The following GRID1 variants were observed in gnomAD, a reference collection of about 807,000 sequenced individuals.
The protein encoded by GRID1 is glutamate receptor ionotropic, delta-1.
A neutral mutation model predicts 98.0 loss-of-function variants in GRID1; 28 were observed. The ratio of observed to expected loss-of-function variants is 0.29; its 90% CI spans 0.21 to 0.39. GRID1 has a LOEUF of 0.39. GRID1 is among the 10% of genes least tolerant of loss of function. GRID1 has a pLI of 1.00. For synonymous variants in GRID1, 553 were observed against 538.5 expected (o/e 1.03, Z -0.37); for missense variants, 1,111 against 1,340.5 (o/e 0.83, Z 2.67).
chr10:85,912,212 G>C (rs1290246108), intron 5 of GRID1, among the ~76,000 whole-genome samples: 7 of 152,180 alleles, frequency 4.6e-5, no homozygotes, highest in Non-Finnish European at 8.8e-5. Context: ...TTTTCCACAA[G>C]TTCTTTTGAA....
chr10:85,908,897 G>A (rs1161219741), intron 5 of GRID1, among the ~76,000 whole-genome samples: 3 of 152,024 alleles, frequency 2.0e-5, no homozygotes, highest in Non-Finnish European at 2.9e-5. Context: ...GATACTACAC[G>A]AAAAACATAA....
chr10:86,179,650 A>G (rs1177638655), intron 3 of GRID1, among the ~76,000 whole-genome samples: 2 of 152,030 alleles, frequency 1.3e-5, no homozygotes, highest in Admixed American at 1.3e-4. Context: ...ACAGTGTCCT[A>G]CCCTCTATGG....
At chr10:86,308,096 G>C (rs965335064) in intron 2 of GRID1, among the ~76,000 whole-genome samples, 5 of 151,750 alleles carry the variant, frequency 3.3e-5, no homozygotes, top group African/African-American at 1.2e-4. Flanking sequence ...CCCCACTCCT[G>C]GCTTCCACCT....
chr10:86,128,707 A>G (rs1032354248), intron 4 of GRID1, among the ~76,000 whole-genome samples: 7 of 152,162 alleles, frequency 4.6e-5, no homozygotes, highest in African/African-American at 1.2e-4. Flanking sequence ...GTCAAGCACT[A>G]GCACATCCCA....
At chr10:85,991,675 G>A (rs760576119) in intron 4 of GRID1, among the ~76,000 whole-genome samples, 3 of 152,216 alleles carry the variant, frequency 2.0e-5, no homozygotes, top group Non-Finnish European at 4.4e-5. Flanking sequence ...ATGTCACCAA[G>A]GTGGCAAGGA....
At chr10:85,618,882 A>C (rs1164312030) in intron 14 of GRID1, among the ~76,000 whole-genome samples, 1 of 152,222 alleles carries the variant, frequency 6.6e-6, no homozygotes. Context: ...TCTGAACTGC[A>C]GGATGTTAAA....
intron 2 of GRID1, among the ~76,000 whole-genome samples, chr10:86,268,413 G>C (rs1284140615): frequency 6.6e-6 from 1 of 152,246 alleles, no homozygotes; most frequent in African/African-American, 2.4e-5. Context: ...AGGGAGCATA[G>C]CCCAGGACCG....
At chr10:86,283,558 C>CACATGCACAT (rs2132069547) in intron 2 of GRID1, among the ~76,000 whole-genome samples, 1 of 151,598 alleles carries the variant, frequency 6.6e-6, no homozygotes, top group Admixed American at 6.6e-5. Flanking sequence ...CCCTTACACA[C>CACATGCACAT]ACATGCACAC....
chr10:85,878,196 G>T (rs950663012), intron 5 of GRID1, among the ~76,000 whole-genome samples: 11 of 152,188 alleles, frequency 7.2e-5, no homozygotes, highest in Admixed American at 1.3e-4. Flanking sequence ...AAAACACCCT[G>T]CAGGGTATTA....
chr10:86,041,001 G>A (rs368519477), intron 4 of GRID1, among the ~76,000 whole-genome samples: 8 of 152,080 alleles, frequency 5.3e-5, no homozygotes, highest in African/African-American at 1.9e-4. Flanking sequence ...CTCTCTCTGG[G>A]CTCTGCCTCC....
At chr10:85,758,401 C>T (rs973314486) in intron 8 of GRID1, among the ~76,000 whole-genome samples, 2 of 152,176 alleles carry the variant, frequency 1.3e-5, no homozygotes, top group Non-Finnish European at 2.9e-5. Context: ...TGACTTCACT[C>T]ACATGGCTGG....
At chr10:85,992,201 G>A (rs1038459295) in intron 4 of GRID1, among the ~76,000 whole-genome samples, 7 of 152,076 alleles carry the variant, frequency 4.6e-5, no homozygotes, top group African/African-American at 1.2e-4. Context: ...ACAAAGCATG[G>A]AAAAGGGGTT....
intron 2 of GRID1, among the ~76,000 whole-genome samples, chr10:86,227,612 AC>A (rs1166583296): frequency 6.6e-6 from 1 of 151,440 alleles, no homozygotes; most frequent in African/African-American, 2.4e-5. Context: ...ACCTGCTCCC[AC>A]CCCATTCCTT....
At chr10:85,606,642 C>A (rs934756077) in intron 15 of GRID1, 2 of 152,132 alleles carry the variant, frequency 1.3e-5, no homozygotes, top group African/African-American at 4.8e-5. Context: ...GGTTTGGAAA[C>A]CTTGGAAGCA....
At chr10:86,089,804 T>C (rs1258737509) in intron 4 of GRID1, among the ~76,000 whole-genome samples, 3 of 151,896 alleles carry the variant, frequency 2.0e-5, no homozygotes, top group Admixed American at 6.6e-5. Context: ...TGGAGTGCAA[T>C]GGCGTGATCT....
At chr10:85,618,551 T>C (rs1185913729) in intron 14 of GRID1, among the ~76,000 whole-genome samples, 1 of 152,216 alleles carries the variant, frequency 6.6e-6, no homozygotes, top group Non-Finnish European at 1.5e-5. Context: ...AGGAAAAGAA[T>C]GTATACTTGA....
At chr10:86,148,121 C>T (rs1040589916) in intron 3 of GRID1, among the ~76,000 whole-genome samples, 5 of 152,230 alleles carry the variant, frequency 3.3e-5, no homozygotes, top group African/African-American at 1.2e-4. Context: ...ATCTCCTAAT[C>T]TATTGGCCTT....
At chr10:86,150,403 G>C (rs943835937) in intron 3 of GRID1, among the ~76,000 whole-genome samples, 2 of 152,192 alleles carry the variant, frequency 1.3e-5, no homozygotes, top group East Asian at 1.9e-4. Flanking sequence ...AGAACACAGA[G>C]GAATGACCCA....
intron 4 of GRID1, among the ~76,000 whole-genome samples, chr10:85,942,343 A>G (rs1299536099): frequency 6.6e-6 from 1 of 152,148 alleles, no homozygotes; most frequent in Non-Finnish European, 1.5e-5. Context: ...CCTGGTTCAG[A>G]GGATGTTGGT....
Sources: gnomAD v4.1 joint callset for allele counts (sites outside exome capture counted in the v4.1 genomes callset) on GRCh38, gnomAD v4.1.1 for gene constraint, MANE v1.5 for transcripts, NCBI Gene and HGNC (gene_info 2026-07-23, HGNC 2026-07-21) for gene names.